TCN1: variants seen among roughly 807,000 people sequenced by gnomAD.
The protein encoded by TCN1 is transcobalamin 1.
A neutral mutation model predicts 46.3 loss-of-function variants in TCN1; 47 were observed. That is an observed-to-expected ratio of 1.01 (90% CI 0.80 to 1.29). TCN1 has a LOEUF of 1.29. Among genes scored for constraint, TCN1 ranks in the 50% most tolerant of loss-of-function variants. The pLI is 0.00. For synonymous variants in TCN1, 183 were observed against 192.5 expected (o/e 0.95, Z 0.41); for missense variants, 532 against 511.0 (o/e 1.04, Z -0.40).
At chr11:59,857,964 A>G (rs979367617) in intron 5 of TCN1, among the ~76,000 whole-genome samples, 13 of 152,228 alleles carry the variant, frequency 8.5e-5, no homozygotes, top group African/African-American at 2.7e-4. Context: ...CAAGACCTAC[A>G]GTGGATGCCT....
intron 5 of TCN1, among the ~76,000 whole-genome samples, chr11:59,857,920 G>T (rs956080474): frequency 3.9e-5 from 6 of 152,110 alleles, no homozygotes; most frequent in African/African-American, 1.4e-4. Flanking sequence ...GGAGGTGATG[G>T]GGTAGTTTGC....
At chr11:59,862,818 C>A in intron 2 of TCN1, 96 bp from the exon 3 acceptor site, 1 of 1,391,998 alleles carries the variant, frequency 7.2e-7, no homozygotes, top group Non-Finnish European at 1.0e-6. Flanking sequence ...TCACTTTTTT[C>A]TTCTGTTGCG....
chr11:59,859,077 C>T lies in TCN1; in HGVS notation c.747G>A (p.Gln249=), dbSNP rs776278685. The T allele has an allele frequency of 6.2e-7, 1 of 1,612,150 alleles. No individual in the cohort carries two copies. Among genetic ancestry groups the T allele is most frequent in the Non-Finnish European group, 8.5e-7 (1 of 1,179,858 alleles). The change falls in exon 5 of 9, where the codon CAG becomes CAA. Residue 249 remains glutamine, a splice_region_variant and synonymous_variant. Transcript: ENST00000257264. ...GNTFSTGEAM[Q]ALFVSSDYYN... is the part of the protein sequence containing the mutation. The stretch of plus-strand genomic sequence containing the variant: ...CCTCCTGTTTCACCCTCTGACTTAC[C>T]TGCATGGCTTCTCCTGTGCTAAATG...
rs200554043 is a variant in TCN1, at chr11:59,861,586, A to T, written c.497T>A (p.Val166Asp). ...LFNGNYSTAE[V>D]VNHFTPENKN... is the part of the protein sequence containing the mutation. ...ATTTTCAGGAGTGAAGTGGTTGACA[A>T]CTTCGGCGGTTGAGTAGTTCCCATT... is the stretch of plus-strand genomic sequence containing the variant. Residue 166 changes from valine (V) to aspartate (D), a missense_variant, in exon 4 of 9, where the codon GTT (valine) becomes GAT (aspartate). Val to Asp is a radical substitution (Grantham distance 152, BLOSUM62 -3). Coordinates refer to ENST00000257264, the MANE Select transcript of TCN1 (RefSeq NM_001062.4). 10 of 1,614,064 alleles carry T rather than the reference A, an allele frequency of 6.2e-6. No homozygotes were observed. Among genetic ancestry groups the T allele is most frequent in the Non-Finnish European group, 7.6e-6 (9 of 1,180,000 alleles).
intron 2 of TCN1, among the ~76,000 whole-genome samples, 155 bp from the exon 3 acceptor site, chr11:59,862,877 C>G (rs1590867507): frequency 6.6e-6 from 1 of 152,156 alleles, no homozygotes; most frequent in East Asian, 1.9e-4. Flanking sequence ...TTCTGAGAAA[C>G]TGGTTGTTAA....
intron 1 of TCN1, 140 bp from the exon 2 acceptor site, chr11:59,864,226 A>C (rs1853048425): frequency 4.1e-6 from 4 of 971,692 alleles, no homozygotes; most frequent in Non-Finnish European, 6.4e-6. Context: ...TGTTGGTGGA[A>C]TAATACAAAG....
chr11:59,854,677 G>A lies in TCN1; in HGVS notation c.1096C>T (p.Gln366Ter), dbSNP rs1852910446. Residue 366 changes from glutamine to a stop codon, truncating the protein, a stop_gained, in exon 7 of 9, where the codon CAG becomes TAG. Coordinates refer to ENST00000257264, the MANE Select transcript of TCN1 (RefSeq NM_001062.4). LOFTEE classifies it high-confidence loss of function. The stretch of plus-strand genomic sequence containing the variant: ...CCAAATATAGTATCATTCATTTTCT[G>A]GGCTTTCTCCATCACACTGAGGAAG... Reference protein sequence around the residue: ...SVFLSVMEKAQKMNDTIFGFT... With the variant: ...SVFLSVMEKA 1 of 1,613,870 alleles carries A rather than the reference G, an allele frequency of 6.2e-7. No homozygotes were observed. Among genetic ancestry groups the A allele is most frequent in the Non-Finnish European group, 8.5e-7 (1 of 1,179,846 alleles).
intron 7 of TCN1, among the ~76,000 whole-genome samples, chr11:59,853,886 G>C (rs1866694266): frequency 6.6e-6 from 1 of 152,078 alleles, no homozygotes; most frequent in Non-Finnish European, 1.5e-5. Context: ...TTATTATTCT[G>C]ATTTTCTTTA....
chr11:59,858,087 A>G (rs1032140358), intron 5 of TCN1, among the ~76,000 whole-genome samples: 3 of 152,222 alleles, frequency 2.0e-5, no homozygotes, highest in African/African-American at 7.2e-5. Flanking sequence ...AACAACAGCA[A>G]TAATCAAATA....
In TCN1 at chr11:59,854,722, T is replaced by A. The variant is rs371996652; in HGVS notation, c.1051A>T (p.Thr351Ser). ...AGGAAGACAGAACCATTTAGCACAGTGACATTGGTGAAATATGTTTCATTG... is the reference window on the plus strand; with the variant it reads ...AGGAAGACAGAACCATTTAGCACAGAGACATTGGTGAAATATGTTTCATTG... ...RINETYFTNV[T>S]VLNGSVFLSV... Residue 351 changes from threonine (T) to serine (S), a missense_variant, in exon 7 of 9, where the codon ACT becomes TCT. Physicochemically the swap from Thr to Ser is moderately conservative, Grantham distance 58. Coordinates refer to ENST00000257264, the MANE Select transcript of TCN1 (RefSeq NM_001062.4). The A allele has an allele frequency of 3.7e-6, 6 of 1,613,876 alleles. No individual in the cohort carries two copies. The highest frequency in any genetic ancestry group is 4.2e-6 in the Non-Finnish European group (5 of 1,179,922).
chr11:59,862,306 C>G (rs976695481), intron 3 of TCN1, among the ~76,000 whole-genome samples: 1 of 151,596 alleles, frequency 6.6e-6, no homozygotes, highest in African/African-American at 2.4e-5. Context: ...AGAATGGTGA[C>G]TTGTGTGTGT....
rs1853029314 is a variant in TCN1, at chr11:59,862,700, C to G, written c.282G>C (p.Glu94Asp). The G allele has an allele frequency of 5.0e-6, 8 of 1,613,698 alleles. No homozygotes were observed. The highest frequency in any genetic ancestry group is 6.8e-6 in the Non-Finnish European group (8 of 1,179,824). ...CCAAAGCCAGTATAATCAAGGCAAG[C>G]TCTCCCGAGCTTACATCTGACACTG... ...KSRLSDVSSGELALIILALGV... is the reference protein window; with the variant it reads ...KSRLSDVSSGDLALIILALGV... Residue 94 changes from glutamate to aspartate, a missense_variant, in exon 3 of 9, where the codon GAG (glutamate) becomes GAC (aspartate). By Grantham distance (45) the Glu-to-Asp change is conservative. Coordinates refer to ENST00000257264, the MANE Select transcript of TCN1 (RefSeq NM_001062.4).
Position 59,854,692 on chromosome 11 carries a change from C to T in TCN1, c.1081G>A (p.Val361Met), listed in dbSNP as rs138176480. 8.1e-6 allele frequency: 13 copies of T among 1,613,954 alleles called. No individual in the cohort carries two copies. In the African/African-American group the frequency reaches 1.3e-4, roughly 17 times the overall value. ...TVLNGSVFLS[V>M]MEKAQKMNDT... ...TTCATTTTCTGGGCTTTCTCCATCACACTGAGGAAGACAGAACCATTTAGC... is the reference window on the plus strand; with the variant it reads ...TTCATTTTCTGGGCTTTCTCCATCATACTGAGGAAGACAGAACCATTTAGC... Residue 361 changes from valine (V) to methionine (M), a missense_variant, in exon 7 of 9, where the codon GTG becomes ATG. Val to Met is a conservative substitution (Grantham distance 21). Coordinates refer to ENST00000257264, the MANE Select transcript of TCN1 (RefSeq NM_001062.4).
At chr11:59,864,688 C>T (rs547405630) in intron 1 of TCN1, among the ~76,000 whole-genome samples, 17 of 152,110 alleles carry the variant, frequency 1.1e-4, no homozygotes, top group Non-Finnish European at 2.2e-4. Context: ...CTACAATATG[C>T]CCCAATTCCA....
At chr11:59,865,046 C>T (rs1174185903) in intron 1 of TCN1, among the ~76,000 whole-genome samples, 1 of 152,152 alleles carries the variant, frequency 6.6e-6, no homozygotes, top group Non-Finnish European at 1.5e-5. Flanking sequence ...GACAAGAAAC[C>T]ACCGAATAAA....
chr11:59,853,423 C>T (rs1866689354), intron 7 of TCN1, 102 bp from the exon 8 acceptor site: 2 of 1,087,754 alleles, frequency 1.8e-6, no homozygotes, highest in East Asian at 2.4e-5. Flanking sequence ...CACTTGATGA[C>T]ATTATAAAAA....
At position 59,859,286 on chromosome 11, in the gene TCN1, T is replaced by C; in HGVS notation, c.557-19A>G. On this transcript the variant is annotated intron_variant, in intron 4 of 8. Coordinates refer to ENST00000257264, the MANE Select transcript of TCN1 (RefSeq NM_001062.4). ...CCAGTATCTGTCAGGAAACAAAACA[T>C]TGTTGATAGGCGACCAACCACCTCA... 1.2e-6 allele frequency: 2 copies of C among 1,611,722 alleles called. No homozygotes were observed. The highest frequency in any genetic ancestry group is 2.2e-5 in the East Asian group (1 of 44,860).
In TCN1 at chr11:59,861,607, C is replaced by T; in HGVS notation, c.476G>A (p.Gly159Glu). 6.2e-7 allele frequency: 1 copy of T among 1,614,044 alleles called. No homozygotes were observed. The highest frequency in any genetic ancestry group is 1.1e-5 in the South Asian group (1 of 91,070). Residue 159 changes from glycine (G) to glutamate (E), a missense_variant, in exon 4 of 9, where the codon GGG becomes GAG. Physicochemically the swap from Gly to Glu is moderately conservative, Grantham distance 98 (BLOSUM62 -2). Transcript: ENST00000257264. ...LDVLALCLFNGNYSTAEVVNH... is the reference protein window; with the variant it reads ...LDVLALCLFNENYSTAEVVNH... ...GACAACTTCGGCGGTTGAGTAGTTC[C>T]CATTGAACAGACACAAGGCCAAAAC...
intron 7 of TCN1, among the ~76,000 whole-genome samples, chr11:59,853,793 G>A (rs1866693510): frequency 6.6e-6 from 1 of 152,110 alleles, no homozygotes. Flanking sequence ...AAAAGTGACA[G>A]GTCAGTATCT....
Sources: gnomAD v4.1 joint callset for allele counts (sites outside exome capture counted in the v4.1 genomes callset) on GRCh38, gnomAD v4.1.1 for gene constraint, MANE v1.5 for transcripts, NCBI Gene and HGNC (gene_info 2026-07-23, HGNC 2026-07-21) for gene names.